DZANK1: variants seen among roughly 807,000 people sequenced by gnomAD.
DZANK1 encodes double zinc ribbon and ankyrin repeat domains 1.
DZANK1 carries 91 observed loss-of-function variants against 94.5 expected under a neutral mutation model. The observed-to-expected ratio is 0.96, with a 90% CI of 0.81 to 1.15. The LOEUF (loss-of-function observed/expected upper bound fraction) is 1.15, where lower values mean the gene tolerates loss of function less well. Among genes scored for constraint, DZANK1 ranks in the 50% most tolerant of loss-of-function variants. The pLI is 0.00. For missense variants in DZANK1, 903 were observed against 916.4 expected (o/e 0.99, Z 0.19); for synonymous variants, 312 against 325.3 (o/e 0.96, Z 0.44).
intron 13 of DZANK1, among the ~76,000 whole-genome samples, chr20:18,402,252 A>G (rs1295601229): frequency 6.6e-6 from 1 of 152,106 alleles, no homozygotes; most frequent in African/African-American, 2.4e-5. Flanking sequence ...CTTTCTCTAA[A>G]ATAACAATTG....
At chr20:18,414,326 C>CTTA (rs2057387574) in intron 12 of DZANK1, 22 bp downstream of exon 12, 1 of 1,612,586 alleles carries the variant, frequency 6.2e-7, no homozygotes, top group South Asian at 1.1e-5. Flanking sequence ...GGTACCAGTT[C>CTTA]TTACTACAGG....
chr20:18,448,777 G>C (rs2058979567), intron 7 of DZANK1, among the ~76,000 whole-genome samples: 1 of 149,954 alleles, frequency 6.7e-6, no homozygotes, highest in African/African-American at 2.5e-5. Flanking sequence ...TGAGGCAGGA[G>C]AATCGCTTGA....
At chr20:18,455,625 T>C (rs1483853269) in intron 3 of DZANK1, among the ~76,000 whole-genome samples, 1 of 152,206 alleles carries the variant, frequency 6.6e-6, no homozygotes, top group Non-Finnish European at 1.5e-5. Context: ...GTAGGTCTCA[T>C]TTGAGCTCTT....
At position 18,449,024 on chromosome 20, in the gene DZANK1, T is replaced by TG; in HGVS notation, c.588dup (p.Thr197HisfsTer75). The stretch of plus-strand genomic sequence containing the variant: ...TCCCTTTGAATTCTCATTATCTCCG[T>TG]GCTTGTCAAACACTTCTGACCGCTT... On this transcript the variant is annotated frameshift_variant, in exon 7 of 21. Coordinates refer to ENST00000262547, the Ensembl canonical transcript of DZANK1. LOFTEE classifies it high-confidence loss of function. 1 of 1,613,992 alleles carries TG rather than the reference T, an allele frequency of 6.2e-7. No homozygotes were observed. Among genetic ancestry groups the TG allele is most frequent in the Non-Finnish European group, 8.5e-7 (1 of 1,179,880 alleles).
chr20:18,411,028 T>G (rs899737382), intron 13 of DZANK1, among the ~76,000 whole-genome samples: 1 of 152,282 alleles, frequency 6.6e-6, no homozygotes, highest in East Asian at 1.9e-4. Context: ...CAGAAATTTA[T>G]AGCAGCAAAT....
In DZANK1 at chr20:18,389,799, G is replaced by A. The variant is rs771562097; in HGVS notation, c.1920C>T (p.Asp640=). 4 of 1,613,894 alleles carry A rather than the reference G, an allele frequency of 2.5e-6. No homozygotes were observed. In the African/African-American group the frequency reaches 5.3e-5, roughly 22 times the overall value. ...CAGCCACGGTTATGACGGGTCGATT[G>A]TCTTCATCACAGCAGTTGGGGTCTG... The change falls in exon 19 of 21, where the codon GAC becomes GAT. Residue 640 remains aspartate (D), a synonymous_variant. Coordinates refer to ENST00000262547, the Ensembl canonical transcript of DZANK1.
intron 2 of DZANK1, among the ~76,000 whole-genome samples, chr20:18,461,002 G>T (rs2059454861): frequency 6.6e-6 from 1 of 152,174 alleles, no homozygotes; most frequent in Non-Finnish European, 1.5e-5. Context: ...TTTGACTTCT[G>T]CTAGGTTGGA....
At chr20:18,402,683 C>T (rs1429894989) in intron 13 of DZANK1, among the ~76,000 whole-genome samples, 2 of 152,170 alleles carry the variant, frequency 1.3e-5, no homozygotes, top group Non-Finnish European at 2.9e-5. Flanking sequence ...CCTTTCGTTC[C>T]TGCTCTAAAA....
chr20:18,394,661 G>A, intron 15 of DZANK1: 1 of 573,072 alleles, frequency 1.7e-6, no homozygotes, highest in Non-Finnish European at 3.4e-6. Context: ...CCTGCATGTG[G>A]CTGTCCCAGT....
At chr20:18,386,265 T>C (rs1600689938) in intron 19 of DZANK1, among the ~76,000 whole-genome samples, 1 of 152,168 alleles carries the variant, frequency 6.6e-6, no homozygotes, top group African/African-American at 2.4e-5. Flanking sequence ...AGTAGCTCCA[T>C]CTACCCAGAA....
Position 18,428,171 on chromosome 20 carries a change from G to A in DZANK1, c.862-1012C>T, listed in dbSNP as rs576765747. On this transcript the variant is annotated intron_variant, in intron 9 of 20. Transcript: ENST00000262547. ...GTCTCAAAAAAAAAAAAAAGAAAGA[G>A]AGTGGTAAGTACAACTTAATTTTTT... 2.0e-3 allele frequency among the ~76,000 whole-genome samples: 298 copies of A among 150,786 alleles called. 2 individuals carry two copies. Among genetic ancestry groups the A allele is most frequent in the Non-Finnish European group, 3.6e-3 (245 of 67,670 alleles).
At chr20:18,414,098 A>G (rs1263647170) in intron 12 of DZANK1, among the ~76,000 whole-genome samples, 3 of 152,232 alleles carry the variant, frequency 2.0e-5, no homozygotes, top group Admixed American at 1.3e-4. Context: ...AATGCTACAT[A>G]AGAAATTCAA....
chr20:18,399,507 G>A (rs1227185659), intron 13 of DZANK1, among the ~76,000 whole-genome samples: 1 of 152,114 alleles, frequency 6.6e-6, no homozygotes, highest in Non-Finnish European at 1.5e-5. Context: ...TAGGATTATA[G>A]GTGTGAGACA....
intron 9 of DZANK1, among the ~76,000 whole-genome samples, chr20:18,431,792 C>T (rs186044747): frequency 4.3e-4 from 66 of 152,308 alleles, no homozygotes; most frequent in African/African-American, 1.5e-3. Context: ...TCTCCTATAA[C>T]CCACAGCACC....
At chr20:18,419,124 TG>T (rs1238912548) in intron 10 of DZANK1, among the ~76,000 whole-genome samples, 1 of 151,988 alleles carries the variant, frequency 6.6e-6, no homozygotes, top group African/African-American at 2.4e-5. Context: ...TAGCCAGGCT[TG>T]GTGGTGCACA....
chr20:18,451,485 T>A (rs1022162350), intron 6 of DZANK1, among the ~76,000 whole-genome samples: 2 of 152,168 alleles, frequency 1.3e-5, no homozygotes, highest in Non-Finnish European at 2.9e-5. Flanking sequence ...TTTCCTTCTC[T>A]TCACTTTCTG....
intron 13 of DZANK1, among the ~76,000 whole-genome samples, chr20:18,405,500 C>T (rs2056917340): frequency 6.6e-6 from 1 of 152,054 alleles, no homozygotes; most frequent in African/African-American, 2.4e-5. Context: ...ACATGAGAAT[C>T]CCAGAAGGAG....
At chr20:18,436,549 GA>G (rs1426515303) in intron 8 of DZANK1, among the ~76,000 whole-genome samples, 1 of 151,858 alleles carries the variant, frequency 6.6e-6, no homozygotes, top group Non-Finnish European at 1.5e-5. Context: ...TATCTAATCT[GA>G]AGAACAGAGA....
intron 15 of DZANK1, 132 bp from the exon 16 acceptor site, chr20:18,394,482 C>A: frequency 1.1e-6 from 1 of 876,246 alleles, no homozygotes; most frequent in Non-Finnish European, 1.8e-6. Context: ...GAGCCTGAGA[C>A]CTGGATGTCC....
Sources: allele counts gnomAD v4.1 joint callset (sites outside exome capture counted in the v4.1 genomes callset), GRCh38; gene constraint gnomAD v4.1.1; transcripts MANE v1.5; gene names NCBI Gene and HGNC (gene_info 2026-07-23, HGNC 2026-07-21).